Variants in STAM2 observed in about 807,000 individuals in gnomAD.
The protein encoded by STAM2 is signal transducing adaptor molecule 2, also known as signal transducing adapter molecule 2.
In STAM2, 51 loss-of-function variants were observed where a neutral mutation model predicts 65.6. The observed-to-expected ratio is 0.78, with a 90% CI of 0.62 to 0.98. STAM2 has a LOEUF of 0.98. Ranked by LOEUF, STAM2 falls within the 50% of genes least tolerant of loss-of-function variation. STAM2 has a pLI of 0.00. For synonymous variants in STAM2, 198 were observed against 208.4 expected, an observed-to-expected ratio of 0.95 and a Z score of 0.43; for missense variants, 584 against 617.8, an observed-to-expected ratio of 0.95 and a Z score of 0.58.
intron 11 of STAM2, among the ~76,000 whole-genome samples, chr2:152,130,164 G>C (rs1307705858): frequency 6.6e-6 from 1 of 152,170 alleles, no homozygotes; most frequent in East Asian, 1.9e-4. Context: ...TTCAGATAGA[G>C]AGCTGAGAAA....
chr2:152,141,984 C>T (rs1689257551), intron 7 of STAM2, among the ~76,000 whole-genome samples: 1 of 152,184 alleles, frequency 6.6e-6, no homozygotes, highest in South Asian at 2.1e-4. Flanking sequence ...TCAAATTCCA[C>T]AAAAGTATAA....
chr2:152,139,358 G>A (rs1327028373), intron 7 of STAM2, among the ~76,000 whole-genome samples: 1 of 152,160 alleles, frequency 6.6e-6, no homozygotes, highest in African/African-American at 2.4e-5. Flanking sequence ...AGTACCTTCA[G>A]GCTAAGCACT....
chr2:152,136,119 T>C (rs1689149361), intron 7 of STAM2, among the ~76,000 whole-genome samples: 3 of 147,910 alleles, frequency 2.0e-5, no homozygotes, highest in African/African-American at 7.5e-5. Flanking sequence ...TTAGAACCAA[T>C]TAGCAATTAA....
At chr2:152,149,871 C>A (rs1689410380) in intron 2 of STAM2, among the ~76,000 whole-genome samples, 1 of 151,846 alleles carries the variant, frequency 6.6e-6, no homozygotes, top group Non-Finnish European at 1.5e-5. Context: ...TTTGTATATA[C>A]ATAATATACT....
At chr2:152,168,785 C>T (rs1689844279) in intron 1 of STAM2, among the ~76,000 whole-genome samples, 2 of 151,954 alleles carry the variant, frequency 1.3e-5, no homozygotes, top group African/African-American at 4.8e-5. Context: ...TTTGAAATGC[C>T]CAAAATAGCT....
At chr2:152,127,865 C>A (rs1688988489) in intron 11 of STAM2, among the ~76,000 whole-genome samples, 1 of 152,126 alleles carries the variant, frequency 6.6e-6, no homozygotes, top group Non-Finnish European at 1.5e-5. Flanking sequence ...AGCTAAGCAA[C>A]CACTTTTCAT....
intron 1 of STAM2, among the ~76,000 whole-genome samples, chr2:152,154,161 C>A (rs972955156): frequency 8.5e-5 from 13 of 152,282 alleles, no homozygotes; most frequent in African/African-American, 2.9e-4. Flanking sequence ...CCTCTCCCTG[C>A]AGGGGTAAGG....
intron 7 of STAM2, among the ~76,000 whole-genome samples, chr2:152,142,660 A>G (rs1689269035): frequency 6.6e-6 from 1 of 152,232 alleles, no homozygotes; most frequent in Non-Finnish European, 1.5e-5. Context: ...ATTATAATAA[A>G]TAGGTTTTGT....
rs183053234 is a variant in STAM2 at position 152,150,858 on chromosome 2, A to T, written c.41-629T>A. The stretch of plus-strand genomic sequence containing the variant: ...AAGTAAATATGCACTACACTGTCCA[A>T]TAAAGCATTGGTTTTGTAAATTTTT... On this transcript the variant is annotated intron_variant, in intron 1 of 13. Transcript: ENST00000263904. 4.6e-5 allele frequency among the ~76,000 whole-genome samples: 7 copies of T among 152,220 alleles called. No homozygotes were observed. In the East Asian group the frequency reaches 1.4e-3, roughly 29 times the overall value.
chr2:152,133,716 A>T (rs1667449526), intron 8 of STAM2, among the ~76,000 whole-genome samples: 1 of 152,170 alleles, frequency 6.6e-6, no homozygotes, highest in Admixed American at 6.5e-5. Flanking sequence ...GCATTTATAC[A>T]GACACCGGTG....
At chr2:152,159,093 C>CAATATATATATATATATATATATATATA (rs1182358654) in intron 1 of STAM2, among the ~76,000 whole-genome samples, 1 of 59,698 alleles carries the variant, frequency 1.7e-5, no homozygotes, top group African/African-American at 1.2e-4. Flanking sequence ...CAAAAAAAAA[C>CAATATATATATATATATATATATATATA]CATATATATA....
In STAM2 at chr2:152,117,222, C is replaced by G. The variant is rs1256106917; in HGVS notation, c.*3352G>C. 2 of 152,168 alleles carry G rather than the reference C, an allele frequency of 1.3e-5. No individual in the cohort carries two copies. Among genetic ancestry groups the G allele is most frequent in the Non-Finnish European group, 1.5e-5 (1 of 68,040 alleles). 9.4% of individuals were successfully genotyped at this position (152,168 alleles called of 1,614,324 possible). On this transcript the variant is annotated 3_prime_UTR_variant, in exon 14 of 14. Transcript: ENST00000263904. ...TGAGACAGGATCTCATTCTGTCAGG[C>G]CGGAGTGCAGTGGCGTGATCACACC...
intron 1 of STAM2, among the ~76,000 whole-genome samples, chr2:152,164,907 T>C (rs562985152): frequency 1.3e-5 from 2 of 152,278 alleles, no homozygotes; most frequent in South Asian, 4.1e-4. Flanking sequence ...GGCCAGCCTT[T>C]ATTTTCCTAC....
intron 1 of STAM2, among the ~76,000 whole-genome samples, chr2:152,162,946 C>T (rs1443190769): frequency 6.6e-6 from 1 of 152,156 alleles, no homozygotes; most frequent in Admixed American, 6.5e-5. Context: ...AGGCATGAGC[C>T]ACTGTGCCTG....
intron 11 of STAM2, among the ~76,000 whole-genome samples, chr2:152,128,978 T>C (rs1243176819): frequency 6.6e-6 from 1 of 152,238 alleles, no homozygotes; most frequent in Non-Finnish European, 1.5e-5. Context: ...AATAAGAATT[T>C]GTTGAAGAAC....
rs73967746 is a variant in STAM2 at position 152,138,330 on chromosome 2, T to A, written c.705-2727A>T. ...ACATATCTTTGTTAGGCTTATTCAT[T>A]TCTAGATCATTTATATAATTTTTGT... On this transcript the variant is annotated intron_variant, in intron 7 of 13. Coordinates refer to ENST00000263904, the MANE Select transcript of STAM2 (RefSeq NM_005843.6). 8.7e-3 allele frequency among the ~76,000 whole-genome samples: 1,325 copies of A among 152,226 alleles called. 28 individuals are homozygous for A. The highest frequency in any genetic ancestry group is 0.03 in the African/African-American group (1,233 of 41,564).
intron 1 of STAM2, among the ~76,000 whole-genome samples, chr2:152,159,398 T>C (rs1029508510): frequency 6.6e-6 from 1 of 152,072 alleles, no homozygotes; most frequent in African/African-American, 2.4e-5. Context: ...TTTGCATACA[T>C]TGCAGGAAAC....
chr2:152,123,056 G>A (rs564744079), intron 13 of STAM2, among the ~76,000 whole-genome samples: 3 of 151,682 alleles, frequency 2.0e-5, no homozygotes, highest in South Asian at 4.2e-4. Context: ...GGGCGACTGA[G>A]TGAGACCTTG....
intron 7 of STAM2, among the ~76,000 whole-genome samples, chr2:152,138,489 G>A (rs1165130399): frequency 1.3e-5 from 2 of 151,834 alleles, no homozygotes; most frequent in Non-Finnish European, 2.9e-5. Context: ...TTTATCCATC[G>A]GACTCTTGAA....
Sources: allele counts gnomAD v4.1 joint callset (sites outside exome capture counted in the v4.1 genomes callset), GRCh38; gene constraint gnomAD v4.1.1; transcripts MANE v1.5; gene names NCBI Gene and HGNC (gene_info 2026-07-23, HGNC 2026-07-21).